The following SLC8A1 variants were observed in gnomAD, a reference collection of about 807,000 sequenced individuals.
The protein encoded by SLC8A1 is solute carrier family 8 member A1.
In SLC8A1, 18 loss-of-function variants were observed where a neutral mutation model predicts 68.3. The observed-to-expected ratio is 0.26, with a 90% confidence interval of 0.18 to 0.39. SLC8A1 has a LOEUF of 0.39. Among genes scored for constraint, SLC8A1 ranks in the 10% least tolerant of loss-of-function variants. The pLI, the probability that SLC8A1 is intolerant of heterozygous loss-of-function variation, is 1.00. For synonymous variants in SLC8A1, 475 were observed against 415.5 expected (o/e 1.14, Z -1.74); for missense variants, 985 against 1,156.7 (o/e 0.85, Z 2.15).
chr2:40,396,643 T>A (rs1170625659), intron 2 of SLC8A1, among the ~76,000 whole-genome samples: 2 of 151,580 alleles, frequency 1.3e-5, no homozygotes, highest in African/African-American at 4.9e-5. Context: ...CATTAAATAT[T>A]TCTGTAATCC....
At chr2:40,275,281 T>G (rs2066553949) in intron 2 of SLC8A1, among the ~76,000 whole-genome samples, 1 of 152,214 alleles carries the variant, frequency 6.6e-6, no homozygotes, top group East Asian at 1.9e-4. Context: ...AGAGAGGCCA[T>G]AAGACTCAAA....
At chr2:40,333,731 T>A (rs2076679969) in intron 2 of SLC8A1, among the ~76,000 whole-genome samples, 1 of 152,072 alleles carries the variant, frequency 6.6e-6, no homozygotes, top group South Asian at 2.1e-4. Flanking sequence ...CCTATTAGTT[T>A]GGAGTCAGTA....
At chr2:40,317,725 A>G (rs1559218006) in intron 2 of SLC8A1, among the ~76,000 whole-genome samples, 1 of 152,120 alleles carries the variant, frequency 6.6e-6, no homozygotes, top group East Asian at 1.9e-4. Context: ...CTGTAAGTCT[A>G]TTACCTTAAG....
At chr2:40,116,976 G>A (rs1207764648) in intron 7 of SLC8A1, 1 of 152,238 alleles carries the variant, frequency 6.6e-6, no homozygotes, top group African/African-American at 2.4e-5. Context: ...TAACTTCTCT[G>A]GGCCTCAATT....
intron 2 of SLC8A1, chr2:40,209,129 T>C (rs895007318): frequency 1.3e-5 from 2 of 152,096 alleles, no homozygotes; most frequent in Admixed American, 1.3e-4. Context: ...GTATGCTAGA[T>C]GTGCTATGGA....
chr2:40,221,676 T>A (rs2058348539), intron 2 of SLC8A1, among the ~76,000 whole-genome samples: 1 of 152,208 alleles, frequency 6.6e-6, no homozygotes, highest in African/African-American at 2.4e-5. Context: ...TTCAGCAAAG[T>A]CTCTGGATAC....
At chr2:40,105,139 C>G (rs780594964) in exon 8 of SLC8A1, 1 of 152,108 alleles carries the variant, frequency 6.6e-6, no homozygotes, top group Non-Finnish European at 1.5e-5. Flanking sequence ...GAGTCTAGAG[C>G]CATGTCAATA....
chr2:40,362,288 GA>G (rs201866481), intron 2 of SLC8A1, among the ~76,000 whole-genome samples: 6 of 150,284 alleles, frequency 4.0e-5, no homozygotes, highest in African/African-American at 9.8e-5. Context: ...AAGAAAAAAA[GA>G]AAAAAAAACT....
chr2:40,417,366 T>C (rs1205846486), intron 2 of SLC8A1, among the ~76,000 whole-genome samples: 2 of 152,096 alleles, frequency 1.3e-5, no homozygotes, highest in Non-Finnish European at 2.9e-5. Flanking sequence ...GGAGACATCA[T>C]TGGGAATTGT....
At chr2:40,162,139 G>A (rs2045797187) in intron 5 of SLC8A1, among the ~76,000 whole-genome samples, 1 of 152,156 alleles carries the variant, frequency 6.6e-6, no homozygotes, top group South Asian at 2.1e-4. Context: ...ATGTCCTTAG[G>A]GTGATGACCT....
At chr2:40,448,087 G>A (rs909646090) in intron 1 of SLC8A1, among the ~76,000 whole-genome samples, 2 of 152,206 alleles carry the variant, frequency 1.3e-5, no homozygotes, top group Non-Finnish European at 2.9e-5. Context: ...AGGCAGCAAG[G>A]ACTACGAGCA....
At chr2:40,176,774 A>G (rs1411513001) in intron 3 of SLC8A1, among the ~76,000 whole-genome samples, 2 of 152,202 alleles carry the variant, frequency 1.3e-5, no homozygotes, top group African/African-American at 4.8e-5. Flanking sequence ...CCATCTCATT[A>G]TATCATACTG....
chr2:40,205,014 A>G (rs908876257), intron 2 of SLC8A1, among the ~76,000 whole-genome samples: 70 of 152,058 alleles, frequency 4.6e-4, no homozygotes, highest in African/African-American at 1.6e-3. Context: ...ACAGTGCTTC[A>G]CTTTTCATAC....
At chr2:40,331,017 A>G (rs1041870003) in intron 2 of SLC8A1, among the ~76,000 whole-genome samples, 2 of 152,196 alleles carry the variant, frequency 1.3e-5, no homozygotes, top group Admixed American at 6.5e-5. Context: ...AAATCTTATG[A>G]TAGGTTTTGA....
At position 40,170,319 on chromosome 2, in the gene SLC8A1, C is replaced by T. The variant is rs148383040; in HGVS notation, c.1930+4506G>A. On this transcript the variant is annotated intron_variant, in intron 4 of 7. Transcript: ENST00000406785. Reference sequence around the variant, plus strand: ...TACAGTAGAGAGAATCGGATGTTCTCTAGCATGAACCTTCCTGAAGACAGG... The same window carrying T: ...TACAGTAGAGAGAATCGGATGTTCTTTAGCATGAACCTTCCTGAAGACAGG... The T allele has an allele frequency of 5.0e-6, 8 of 1,614,088 alleles. No homozygotes were observed. In the South Asian group the frequency reaches 7.7e-5, roughly 16 times the overall value.
chr2:40,134,362 G>C lies in SLC8A1; in HGVS notation c.2437+5039C>G, dbSNP rs184249139. 5.9e-5 allele frequency among the ~76,000 whole-genome samples: 9 copies of C among 152,248 alleles called. No individual in the cohort carries two copies. The East Asian group carries it at 1.5e-3, about 26-fold the overall frequency. ...CTGCCTCAGCCTCCCAAAGTGCTGG[G>C]ATTACAGGTGTGAGCTACCGCACCT... On this transcript the variant is annotated intron_variant, in intron 7 of 7. Coordinates refer to ENST00000406785, the Ensembl canonical transcript of SLC8A1.
At position 40,479,196 on chromosome 2, in the gene SLC8A1, T is replaced by C. The variant is rs1410387554; in HGVS notation, c.-25+33153A>G. ...AATAAACAGTTAACATATTTTTGACTGAATGTTGGAGCTTTTTGGTGGAAA... is the reference window on the plus strand; with the variant it reads ...AATAAACAGTTAACATATTTTTGACCGAATGTTGGAGCTTTTTGGTGGAAA... On this transcript the variant is annotated intron_variant, in intron 1 of 7. Coordinates refer to the SLC8A1 transcript ENST00000402441. Among the ~76,000 whole-genome samples the C allele has an allele frequency of 5.9e-5, 9 of 152,262 alleles. No homozygotes were observed. In the East Asian group the frequency reaches 1.7e-3, roughly 29 times the overall value.
At chr2:40,311,302 C>T (rs930709839) in intron 2 of SLC8A1, among the ~76,000 whole-genome samples, 2 of 152,062 alleles carry the variant, frequency 1.3e-5, no homozygotes, top group African/African-American at 4.8e-5. Flanking sequence ...CATCATTTAA[C>T]ATTCAAAGCT....
At chr2:40,300,864 A>C (rs973529694) in intron 2 of SLC8A1, among the ~76,000 whole-genome samples, 21 of 152,210 alleles carry the variant, frequency 1.4e-4, no homozygotes, top group African/African-American at 4.8e-4. Flanking sequence ...CCAAATATGT[A>C]GAGCAAAGAA....
Sources: gnomAD v4.1 joint callset for allele counts (sites outside exome capture counted in the v4.1 genomes callset) on GRCh38, gnomAD v4.1.1 for gene constraint, MANE v1.5 for transcripts, NCBI Gene and HGNC (gene_info 2026-07-23, HGNC 2026-07-21) for gene names.